The following SBF2 variants were observed in gnomAD, a reference collection of about 807,000 sequenced individuals.
SBF2 encodes myotubularin-related protein 13.
SBF2 carries 112 observed loss-of-function variants against 225.2 expected under a neutral mutation model. The observed-to-expected ratio is 0.50, with a 90% CI of 0.43 to 0.58. The LOEUF is 0.58. Ranked by LOEUF, SBF2 falls within the 20% of genes least tolerant of loss-of-function variation. The pLI, the probability that SBF2 is intolerant of heterozygous loss-of-function variation, is 0.00. For missense variants in SBF2, 1,996 were observed against 2,206.2 expected (o/e 0.90, Z 1.91); for synonymous variants, 763 against 773.3 (o/e 0.99, Z 0.22).
chr11:10,132,052 A>AT (rs976674169), intron 2 of SBF2, among the ~76,000 whole-genome samples: 2 of 152,026 alleles, frequency 1.3e-5, no homozygotes, highest in Non-Finnish European at 2.9e-5. Flanking sequence ...GGTCAAGATT[A>AT]TTTTTTTGGT....
At chr11:9,861,709 T>C (rs1453381749) in intron 17 of SBF2, among the ~76,000 whole-genome samples, 2 of 151,566 alleles carry the variant, frequency 1.3e-5, no homozygotes, top group Non-Finnish European at 2.9e-5. Flanking sequence ...GTTTTCACTA[T>C]GTTGCCCAGG....
chr11:9,901,954 G>C (rs1189389320), intron 16 of SBF2, among the ~76,000 whole-genome samples: 1 of 152,156 alleles, frequency 6.6e-6, no homozygotes, highest in Non-Finnish European at 1.5e-5. Flanking sequence ...AATTATCCCA[G>C]CATAAAGCAG....
intron 1 of SBF2, among the ~76,000 whole-genome samples, chr11:10,226,454 G>GT (rs1434157404): frequency 4.0e-5 from 6 of 151,880 alleles, no homozygotes; most frequent in Non-Finnish European, 8.8e-5. Flanking sequence ...AGCATTAGGT[G>GT]TATCTCCTAA....
chr11:10,291,775 C>T (rs78439951), intron 1 of SBF2, among the ~76,000 whole-genome samples: 111 of 151,978 alleles, frequency 7.3e-4, no homozygotes, highest in African/African-American at 2.6e-3. Flanking sequence ...AAGTACATGG[C>T]AAAAACAATT....
intron 2 of SBF2, among the ~76,000 whole-genome samples, chr11:10,066,352 A>C (rs922188570): frequency 8.6e-5 from 13 of 151,066 alleles, no homozygotes; most frequent in Admixed American, 7.3e-4. Flanking sequence ...ATCTATATAT[A>C]TATATCTTTT....
intron 2 of SBF2, among the ~76,000 whole-genome samples, chr11:10,129,772 A>G (rs79479864): frequency 0.076 from 11,571 of 152,044 alleles, 631 homozygotes; most frequent in East Asian, 0.28. Flanking sequence ...GGGAGGCCAA[A>G]ACAGGAGGGT....
At chr11:10,249,698 A>G (rs993209469) in intron 1 of SBF2, among the ~76,000 whole-genome samples, 5 of 150,286 alleles carry the variant, frequency 3.3e-5, no homozygotes, top group African/African-American at 1.2e-4. Flanking sequence ...TAACTTTGGA[A>G]TGCTATGGGG....
rs181644064 is a variant in SBF2 at position 10,011,931 on chromosome 11, G to A, written c.620-9242C>T. 1.5e-3 allele frequency among the ~76,000 whole-genome samples: 228 copies of A among 152,162 alleles called. 1 individual carries two copies. The highest frequency in any genetic ancestry group is 5.3e-3 in the African/African-American group (220 of 41,510). On this transcript the variant is annotated intron_variant, in intron 6 of 39. Coordinates refer to ENST00000256190, the MANE Select transcript of SBF2 (RefSeq NM_030962.4). ...TTTTGAGCATTATTTCTTCAAATAC[G>A]TTTTTCTAATCACCCCCATATGCAT... is the stretch of plus-strand genomic sequence containing the variant.
intron 6 of SBF2, among the ~76,000 whole-genome samples, chr11:10,003,590 C>G (rs1948067687): frequency 6.6e-6 from 1 of 151,990 alleles, no homozygotes; most frequent in Non-Finnish European, 1.5e-5. Context: ...GATGGTCTTG[C>G]TCTCCTGACT....
intron 2 of SBF2, among the ~76,000 whole-genome samples, chr11:10,140,826 AC>A (rs749462996): frequency 4.0e-5 from 6 of 151,580 alleles, no homozygotes; most frequent in Non-Finnish European, 8.8e-5. Context: ...GAACTGTAAT[AC>A]ACCCAGTTGG....
intron 2 of SBF2, among the ~76,000 whole-genome samples, chr11:10,128,570 T>C (rs1419163656): frequency 6.6e-6 from 1 of 152,160 alleles, no homozygotes; most frequent in Non-Finnish European, 1.5e-5. Context: ...CCCAAGAACA[T>C]ATGCTAGATA....
At position 10,068,014 on chromosome 11, in the gene SBF2, A is replaced by G. The variant is rs1950699801; in HGVS notation, c.142-25033T>C. 2.6e-5 allele frequency among the ~76,000 whole-genome samples: 4 copies of G among 152,228 alleles called. 1 individual carries two copies. In the South Asian group the frequency reaches 8.3e-4, roughly 31 times the overall value. ...ACACTTGCTCAAGAAAAGTGTAACT[A>G]TTGTTAGGTGTTCTTAAAGCAGGGG... On this transcript the variant is annotated intron_variant, in intron 2 of 39. Coordinates refer to ENST00000256190, the MANE Select transcript of SBF2 (RefSeq NM_030962.4).
In SBF2 at chr11:10,053,991, A is replaced by G. The variant is rs185498893; in HGVS notation, c.142-11010T>C. Among the ~76,000 whole-genome samples, 272 of 152,172 alleles carry G rather than the reference A, an allele frequency of 1.8e-3. 2 individuals are homozygous for G. Among genetic ancestry groups the G allele is most frequent in the African/African-American group, 6.3e-3 (262 of 41,526 alleles). ...ACTTTGGAAGAGAAGTCAATTTAAGAGTTTGTGACATCTCAAACATTTTGT... is the reference window on the plus strand; with the variant it reads ...ACTTTGGAAGAGAAGTCAATTTAAGGGTTTGTGACATCTCAAACATTTTGT... On this transcript the variant is annotated intron_variant, in intron 2 of 39. Transcript: ENST00000256190.
intron 1 of SBF2, among the ~76,000 whole-genome samples, chr11:10,222,408 T>C (rs1393099636): frequency 6.6e-6 from 1 of 151,760 alleles, no homozygotes; most frequent in Admixed American, 6.6e-5. Flanking sequence ...ACACAACAAG[T>C]TTGAAAAATT....
chr11:10,146,427 A>G (rs958253880), intron 2 of SBF2, among the ~76,000 whole-genome samples: 1 of 151,910 alleles, frequency 6.6e-6, no homozygotes, highest in Non-Finnish European at 1.5e-5. Flanking sequence ...GCATAACTAC[A>G]ATCATCCAAT....
At chr11:10,181,326 T>C (rs1353053487) in intron 2 of SBF2, among the ~76,000 whole-genome samples, 1 of 152,108 alleles carries the variant, frequency 6.6e-6, no homozygotes, top group Non-Finnish European at 1.5e-5. Flanking sequence ...GATTTCAATT[T>C]CTAATTTTTT....
In SBF2 at chr11:9,847,098, G is replaced by A; in HGVS notation, c.2807-15C>T. 1 of 1,613,508 alleles carries A rather than the reference G, an allele frequency of 6.2e-7. No individual in the cohort carries two copies. Among genetic ancestry groups the A allele is most frequent in the Non-Finnish European group, 8.5e-7 (1 of 1,179,554 alleles). On this transcript the variant is annotated splice_polypyrimidine_tract_variant and intron_variant, in intron 22 of 39. Coordinates refer to ENST00000256190, the MANE Select transcript of SBF2 (RefSeq NM_030962.4). ...CTGCTCACCCACTGTAAATAGACAG[G>A]ACACAGCTTCAGCAACAACACTTTA... is the stretch of plus-strand genomic sequence containing the variant.
intron 2 of SBF2, among the ~76,000 whole-genome samples, chr11:10,114,454 A>G (rs949792678): frequency 1.1e-4 from 17 of 152,100 alleles, no homozygotes; most frequent in African/African-American, 3.6e-4. Flanking sequence ...TGTTCTTAAC[A>G]TTTCTCTTCC....
chr11:10,069,189 G>A (rs2134795461), intron 2 of SBF2, among the ~76,000 whole-genome samples: 1 of 152,146 alleles, frequency 6.6e-6, no homozygotes, highest in South Asian at 2.1e-4. Context: ...TCTACTTTAA[G>A]TTCTAGGGTA....
Sources: allele counts gnomAD v4.1 joint callset (sites outside exome capture counted in the v4.1 genomes callset), GRCh38; gene constraint gnomAD v4.1.1; transcripts MANE v1.5; gene names NCBI Gene and HGNC (gene_info 2026-07-23, HGNC 2026-07-21).